FANCI: variants seen among roughly 807,000 people sequenced by gnomAD.
The protein encoded by FANCI is Fanconi anemia group I protein.
Under a neutral mutation model 176.1 loss-of-function variants are expected in FANCI, and 156 were observed. The ratio of observed to expected loss-of-function variants is 0.89; its 90% confidence interval spans 0.78 to 1.01. FANCI has a LOEUF of 1.01. Ranked by LOEUF, FANCI falls within the 50% of genes least tolerant of loss-of-function variation. The probability of loss-of-function intolerance (pLI) is 0.00; values close to 1 mark genes in which losing one functional copy is unlikely to be tolerated. For missense variants in FANCI, 1,678 were observed against 1,534.1 expected (o/e 1.09, Z -1.57); for synonymous variants, 613 against 541.7 (o/e 1.13, Z -1.83).
intron 10 of FANCI, 37 bp from the exon 11 acceptor site, chr15:89,273,340 G>A (rs1163192199): frequency 2.5e-6 from 2 of 812,278 alleles, no homozygotes; most frequent in Non-Finnish European, 4.1e-6. Context: ...AAAAGAAAAT[G>A]TAAGTAAATG....
intron 11 of FANCI, 126 bp from the exon 12 acceptor site, chr15:89,274,042 A>G: frequency 1.4e-6 from 1 of 728,768 alleles, no homozygotes; most frequent in East Asian, 2.7e-5. Context: ...AGGAACAGTT[A>G]TAAGGTTAAG....
At chr15:89,247,548 T>C (rs2052043747) in intron 1 of FANCI, 81 bp from the exon 2 acceptor site, 2 of 962,926 alleles carry the variant, frequency 2.1e-6, no homozygotes, top group South Asian at 1.3e-5. Flanking sequence ...GTATGAAATA[T>C]TCAGTTAACA....
rs891442684 is a variant in FANCI at position 89,268,649 on chromosome 15, C to A, written c.882+124C>A. The A allele has an allele frequency of 4.4e-6, 5 of 1,148,338 alleles. No homozygotes were observed. The East Asian group carries it at 7.9e-5, about 18-fold the overall frequency. 71.1% of individuals were successfully genotyped at this position (1,148,338 alleles called of 1,614,324 possible). A position where few individuals can be genotyped will look rare whatever the true frequency, so the allele number is the denominator to read the frequency against. On this transcript the variant is annotated intron_variant, in intron 10 of 37. Transcript: ENST00000310775. ...TAAAATGACCCTGGGTGTGGAGGAT[C>A]TCTTTTTTTTTTTTTACTTTAAAAG...
intron 10 of FANCI, among the ~76,000 whole-genome samples, chr15:89,272,505 A>T (rs896316757): frequency 6.6e-6 from 1 of 151,888 alleles, no homozygotes; most frequent in African/African-American, 2.4e-5. Context: ...CAGTTTATCA[A>T]TTTTTTCTTG....
intron 34 of FANCI, among the ~76,000 whole-genome samples, chr15:89,311,433 C>G (rs566515881): frequency 6.6e-5 from 10 of 152,310 alleles, no homozygotes; most frequent in African/African-American, 2.4e-4. Context: ...AAAGATGCTT[C>G]TCTTCTGGCT....
intron 26 of FANCI, 21 bp from the exon 27 acceptor site, chr15:89,301,305 G>A (rs764764398): frequency 2.6e-6 from 4 of 1,515,814 alleles, no homozygotes; most frequent in Admixed American, 3.3e-5. Context: ...ATTGCTTGCT[G>A]TGTGTGCCTT....
rs372076895 is a variant in FANCI at position 89,247,638 on chromosome 15, A to G, written c.-10A>G. 1.6e-4 allele frequency: 262 copies of G among 1,612,580 alleles called. No homozygotes were observed. Among genetic ancestry groups the G allele is most frequent in the Admixed American group, 2.3e-4 (14 of 60,012 alleles). Reference sequence around the variant, plus strand: ...CGTTTTTCCCTTGTAGTTCTGTGATATGAGCAACAATGGACCAGAAGATTT... The same window carrying G: ...CGTTTTTCCCTTGTAGTTCTGTGATGTGAGCAACAATGGACCAGAAGATTT... On this transcript the variant is annotated 5_prime_UTR_variant, in exon 2 of 38. It adds an upstream start codon to the 5' untranslated region. Coordinates refer to ENST00000310775, the MANE Select transcript of FANCI (RefSeq NM_001113378.2).
intron 2 of FANCI, among the ~76,000 whole-genome samples, chr15:89,248,876 T>C (rs943482680): frequency 1.3e-5 from 2 of 152,178 alleles, no homozygotes; most frequent in African/African-American, 4.8e-5. Flanking sequence ...TCTGAAGTCC[T>C]TTTAGAATCC....
At chr15:89,246,191 A>G (rs2051960647) in intron 1 of FANCI, among the ~76,000 whole-genome samples, 1 of 152,074 alleles carries the variant, frequency 6.6e-6, no homozygotes, top group Non-Finnish European at 1.5e-5. Flanking sequence ...TTTCATAGCT[A>G]CTCACTGAAT....
intron 6 of FANCI, 117 bp downstream of exon 6, chr15:89,261,995 T>TATA (rs2052730626): frequency 1.2e-6 from 1 of 836,598 alleles, no homozygotes; most frequent in Non-Finnish European, 2.0e-6. Flanking sequence ...TTGTTTTTAA[T>TATA]ATAACACTAT....
chr15:89,265,957 T>C (rs1358129713), intron 9 of FANCI, among the ~76,000 whole-genome samples: 2 of 152,100 alleles, frequency 1.3e-5, no homozygotes, highest in African/African-American at 4.8e-5. Context: ...AGAATTTAGT[T>C]AGTTTGGCTT....
chr15:89,309,982 A>G (rs2054891715), intron 34 of FANCI, among the ~76,000 whole-genome samples: 1 of 152,228 alleles, frequency 6.6e-6, no homozygotes, highest in Non-Finnish European at 1.5e-5. Flanking sequence ...AGCTCTTTTC[A>G]TACATCATCT....
At chr15:89,295,996 C>T (rs188808947) in intron 24 of FANCI, among the ~76,000 whole-genome samples, 1 of 152,172 alleles carries the variant, frequency 6.6e-6, no homozygotes, top group Admixed American at 6.5e-5. Context: ...GAGACAGGGT[C>T]TTGCTCTGTC....
intron 34 of FANCI, among the ~76,000 whole-genome samples, chr15:89,311,459 C>T (rs2054957386): frequency 6.6e-6 from 1 of 152,100 alleles, no homozygotes; most frequent in Non-Finnish European, 1.5e-5. Context: ...TTTAGTCCTG[C>T]CCGCCCGGAT....
chr15:89,263,108 G>A (rs1238452921), intron 6 of FANCI, among the ~76,000 whole-genome samples: 1 of 152,190 alleles, frequency 6.6e-6, no homozygotes, highest in Non-Finnish European at 1.5e-5. Context: ...AAATTGGGTA[G>A]ATCTGTGATT....
intron 3 of FANCI, chr15:89,259,116 G>A (rs886369638): frequency 6.6e-5 from 21 of 319,124 alleles, no homozygotes; most frequent in African/African-American, 3.7e-4. Context: ...CAAGGGGCAA[G>A]TAACCTCTGG....
intron 9 of FANCI, among the ~76,000 whole-genome samples, chr15:89,265,600 T>A (rs1276745755): frequency 6.6e-6 from 1 of 151,826 alleles, no homozygotes; most frequent in African/African-American, 2.4e-5. Flanking sequence ...CTCGGCTCAG[T>A]GCAACCTCCA....
At chr15:89,245,004 C>T (rs186579345) in intron 1 of FANCI, among the ~76,000 whole-genome samples, 31 of 152,228 alleles carry the variant, frequency 2.0e-4, no homozygotes, top group Admixed American at 1.8e-3. Context: ...AGCTACGGCC[C>T]GTGTCCTTAG....
chr15:89,294,041 A>T (rs2054163830), intron 23 of FANCI, 44 bp downstream of exon 23: 1 of 1,600,148 alleles, frequency 6.2e-7, no homozygotes, highest in Non-Finnish European at 8.6e-7. Flanking sequence ...CTCCCTGAGG[A>T]TCGTATACCT....
Sources: allele counts gnomAD v4.1 joint callset (sites outside exome capture counted in the v4.1 genomes callset), GRCh38; gene constraint gnomAD v4.1.1; transcripts MANE v1.5; gene names NCBI Gene and HGNC (gene_info 2026-07-23, HGNC 2026-07-21).